The following PDZD2 variants were observed in gnomAD, a reference collection of about 807,000 sequenced individuals.
PDZD2 encodes the protein PDZ domain containing 2.
In PDZD2, 90 loss-of-function variants were observed where a neutral mutation model predicts 220.7. That is an observed-to-expected ratio of 0.41 (90% CI 0.34 to 0.49). The LOEUF (loss-of-function observed/expected upper bound fraction) is 0.49. PDZD2 is among the 20% of genes least tolerant of loss of function. The pLI is 0.28. For synonymous variants in PDZD2, 1,375 were observed against 1,450.5 expected (o/e 0.95, Z 1.18); for missense variants, 3,174 against 3,608.5 (o/e 0.88, Z 3.08).
intron 2 of PDZD2, among the ~76,000 whole-genome samples, chr5:31,910,284 A>T (rs1554004773): frequency 7.4e-6 from 1 of 135,128 alleles, no homozygotes; most frequent in Non-Finnish European, 1.5e-5. Flanking sequence ...CAATGGTGTG[A>T]CCTGGCCTCA....
At chr5:31,960,298 C>A (rs1418303737) in intron 2 of PDZD2, among the ~76,000 whole-genome samples, 1 of 151,992 alleles carries the variant, frequency 6.6e-6, no homozygotes, top group African/African-American at 2.4e-5. Context: ...CTCACCACAA[C>A]CTCCACCCCC....
At chr5:31,655,421 C>T (rs1398515148) in intron 1 of PDZD2, among the ~76,000 whole-genome samples, 2 of 152,156 alleles carry the variant, frequency 1.3e-5, no homozygotes, top group Non-Finnish European at 2.9e-5. Flanking sequence ...ATCTGCCCTC[C>T]TGGCCTCCCA....
At chr5:31,969,022 A>G (rs1749020633) in intron 2 of PDZD2, among the ~76,000 whole-genome samples, 1 of 152,124 alleles carries the variant, frequency 6.6e-6, no homozygotes, top group South Asian at 2.1e-4. Context: ...AATAATGTGG[A>G]GAGGATGCTT....
intron 2 of PDZD2, among the ~76,000 whole-genome samples, chr5:31,891,327 A>AT (rs1470364575): frequency 6.9e-6 from 1 of 145,790 alleles, no homozygotes; most frequent in Non-Finnish European, 1.5e-5. Context: ...ATTTTTATTT[A>AT]TTTTTTGAGA....
chr5:31,783,615 G>C (rs1004774109), intron 1 of PDZD2, among the ~76,000 whole-genome samples: 5 of 152,190 alleles, frequency 3.3e-5, no homozygotes, highest in Non-Finnish European at 2.9e-5. Context: ...AAATGCTTCA[G>C]TGGAACCTGG....
chr5:31,995,495 A>G, intron 3 of PDZD2, 81 bp from the exon 4 acceptor site: 2 of 1,439,000 alleles, frequency 1.4e-6, no homozygotes, highest in Non-Finnish European at 2.0e-6. Context: ...ATATTCGGCC[A>G]GACGTGACAG....
chr5:31,663,871 G>A (rs1049453895), intron 1 of PDZD2, among the ~76,000 whole-genome samples: 1 of 151,708 alleles, frequency 6.6e-6, no homozygotes, highest in Admixed American at 6.6e-5. Flanking sequence ...GTGTGTGTGT[G>A]TGTGTATGCG....
At chr5:31,831,397 C>T (rs377320025) in intron 2 of PDZD2, among the ~76,000 whole-genome samples, 2 of 152,068 alleles carry the variant, frequency 1.3e-5, no homozygotes, top group Non-Finnish European at 2.9e-5. Context: ...GGGTGGATCA[C>T]GAGGTCAAGA....
chr5:31,998,582 G>A (rs981064820), intron 4 of PDZD2, among the ~76,000 whole-genome samples: 8 of 152,292 alleles, frequency 5.3e-5, no homozygotes, highest in Admixed American at 1.3e-4. Context: ...TGTCGGAGGC[G>A]TGCATGTGTT....
At chr5:31,972,212 C>T (rs1451847402) in intron 2 of PDZD2, among the ~76,000 whole-genome samples, 1 of 152,150 alleles carries the variant, frequency 6.6e-6, no homozygotes, top group African/African-American at 2.4e-5. Context: ...CTCCCAGGAT[C>T]AAGCGATTCT....
chr5:31,987,600 C>A (rs1013523689), intron 3 of PDZD2, among the ~76,000 whole-genome samples: 2 of 152,168 alleles, frequency 1.3e-5, no homozygotes. Flanking sequence ...TCTCCTGAGC[C>A]CCTGAGTTTT....
At chr5:31,907,228 C>T (rs932279950) in intron 2 of PDZD2, among the ~76,000 whole-genome samples, 4 of 152,204 alleles carry the variant, frequency 2.6e-5, no homozygotes, top group South Asian at 2.1e-4. Context: ...GCTGGAAAGA[C>T]GAAAGTACCA....
At chr5:31,951,256 CAG>C (rs992487144) in intron 2 of PDZD2, among the ~76,000 whole-genome samples, 2 of 152,082 alleles carry the variant, frequency 1.3e-5, no homozygotes, top group African/African-American at 4.8e-5. Context: ...TTTTAAGAAA[CAG>C]GGTCTCACTT....
intron 18 of PDZD2, among the ~76,000 whole-genome samples, chr5:32,076,021 C>T (rs531435748): frequency 1.3e-5 from 2 of 152,272 alleles, no homozygotes; most frequent in South Asian, 4.1e-4. Flanking sequence ...CACAGTGGCT[C>T]ACGCCTGTAA....
intron 2 of PDZD2, among the ~76,000 whole-genome samples, chr5:31,914,969 G>C (rs897306774): frequency 6.6e-6 from 1 of 152,204 alleles, no homozygotes; most frequent in African/African-American, 2.4e-5. Flanking sequence ...CAAAATGTAG[G>C]GGGTGGGGAA....
intron 1 of PDZD2, among the ~76,000 whole-genome samples, chr5:31,667,096 C>T (rs1364814262): frequency 2.0e-5 from 3 of 151,990 alleles, no homozygotes; most frequent in South Asian, 2.1e-4. Context: ...ACTAGCTGGG[C>T]GTGGTGGTGG....
intron 1 of PDZD2, among the ~76,000 whole-genome samples, chr5:31,733,889 G>C (rs1332924109): frequency 6.6e-6 from 1 of 152,182 alleles, no homozygotes; most frequent in Non-Finnish European, 1.5e-5. Context: ...GCACCAACTA[G>C]GTGTCTTGCA....
Position 31,799,398 on chromosome 5 carries a change from T to C in PDZD2, c.150T>C (p.Phe50=), listed in dbSNP as rs1306736890. Residue 50 remains phenylalanine, a synonymous_variant, in exon 2 of 25, where the codon TTT becomes TTC. Coordinates refer to ENST00000438447, the MANE Select transcript of PDZD2 (RefSeq NM_178140.4). ...TGCAGGAGTACATCCAGCTGAACTT[T>C]GCTGTGGATGAGAGTACGGTCCCAC... ...QKLQEYIQLN[F]AVDESTVPPD... is the part of the protein sequence containing the mutation. 6.2e-7 allele frequency: 1 copy of C among 1,614,092 alleles called. No individual in the cohort carries two copies. Among genetic ancestry groups the C allele is most frequent in the African/African-American group, 1.3e-5 (1 of 74,930 alleles).
At chr5:32,092,276 A>G (rs1194084077) in intron 20 of PDZD2, among the ~76,000 whole-genome samples, 2 of 67,018 alleles carry the variant, frequency 3.0e-5, no homozygotes, top group Admixed American at 2.7e-4. Flanking sequence ...TCAATCTCGA[A>G]AAAAAAAAAA....
Sources: allele counts gnomAD v4.1 joint callset (sites outside exome capture counted in the v4.1 genomes callset), GRCh38; gene constraint gnomAD v4.1.1; transcripts MANE v1.5; gene names NCBI Gene and HGNC (gene_info 2026-07-23, HGNC 2026-07-21).